The following KIF4B variants were observed in gnomAD, a reference collection of about 807,000 sequenced individuals.
KIF4B encodes chromosome-associated kinesin KIF4B.
In KIF4B, 60 loss-of-function variants were observed where a neutral mutation model predicts 69.0. The ratio of observed to expected loss-of-function variants is 0.87; its 90% confidence interval spans 0.71 to 1.08. The LOEUF is 1.08. Ranked by LOEUF, KIF4B falls within the 50% of genes least tolerant of loss-of-function variation. KIF4B has a pLI of 0.00. For synonymous variants in KIF4B, 489 were observed against 533.0 expected, an observed-to-expected ratio of 0.92 and a Z score of 1.14; for missense variants, 1,357 against 1,451.9, an observed-to-expected ratio of 0.93 and a Z score of 1.06.
chr5:155,014,553 T>A lies in KIF4B; in HGVS notation c.694T>A (p.Phe232Ile), dbSNP rs965016042. The change falls in exon 1 of 1, where the codon TTT becomes ATT. Residue 232 changes from phenylalanine (F) to isoleucine (I), a missense_variant. Phe to Ile is a conservative substitution (Grantham distance 21). Coordinates refer to ENST00000435029, the MANE Select transcript of KIF4B (RefSeq NM_001099293.3). ...AAAGAAAAGTGACAAGAATTGCAGC[T>A]TTCGCTCCAAGCTGCATCTTGTAGA... ...QRKKSDKNCS[F>I]RSKLHLVDLA... 1.9e-6 allele frequency: 3 copies of A among 1,613,990 alleles called. No homozygotes were observed. The African/African-American group carries it at 4.0e-5, about 22-fold the overall frequency.
At position 155,014,048 on chromosome 5, in the gene KIF4B, A is replaced by G. The variant is rs370360313; in HGVS notation, c.189A>G (p.Glu63=). Reference sequence around the variant, plus strand: ...TTGACCCCTGTACTGAGCAGGAAGAAGTCTTCAATAAAGCAGTAGCGCCGC... The same window carrying G: ...TTGACCCCTGTACTGAGCAGGAAGAGGTCTTCAATAAAGCAGTAGCGCCGC... ...FVFDPCTEQE[E]VFNKAVAPLI... is the part of the protein sequence containing the mutation. The change falls in exon 1 of 1, where the codon GAA becomes GAG. Residue 63 remains glutamate (E), a synonymous_variant. Coordinates refer to ENST00000435029, the MANE Select transcript of KIF4B (RefSeq NM_001099293.3). 6.2e-7 allele frequency: 1 copy of G among 1,614,102 alleles called. No homozygotes were observed. Among genetic ancestry groups the G allele is most frequent in the African/African-American group, 1.3e-5 (1 of 74,924 alleles).
chr5:155,015,474 C>G lies in KIF4B; in HGVS notation c.1615C>G (p.Leu539Val), dbSNP rs1765310040. The G allele has an allele frequency of 6.2e-7, 1 of 1,613,978 alleles. No individual in the cohort carries two copies. Among genetic ancestry groups the G allele is most frequent in the Admixed American group, 1.7e-5 (1 of 59,992 alleles). Residue 539 changes from leucine (L) to valine (V), a missense_variant, in exon 1 of 1, where the codon CTA (leucine) becomes GTA (valine). Leu to Val is a conservative substitution (Grantham distance 32, BLOSUM62 1). Coordinates refer to ENST00000435029, the MANE Select transcript of KIF4B (RefSeq NM_001099293.3). ...TAACGCCCTTGCACTGAAAGAGGCC[C>G]TAGTTAGGAAGATGACTCAGAACGA... ...LNNALALKEALVRKMTQNDNQ... is the reference protein window; with the variant it reads ...LNNALALKEAVVRKMTQNDNQ...
rs1296340197 is a variant in KIF4B, at chr5:155,016,751, G to A, written c.2892G>A (p.Gln964=). 2 of 1,614,064 alleles carry A rather than the reference G, an allele frequency of 1.2e-6. No homozygotes were observed. The highest frequency in any genetic ancestry group is 4.5e-5 in the East Asian group (2 of 44,882). ...EKEQQLVSTL[Q]CQDEELEKMR... ...AACAACAGCTGGTGAGCACACTGCA[G>A]TGTCAGGATGAAGAACTTGAGAAGA... Residue 964 remains glutamine, a synonymous_variant, in exon 1 of 1, where the codon CAG becomes CAA. Transcript: ENST00000435029.
rs190973449 is a variant in KIF4B at position 155,014,613 on chromosome 5, G to A, written c.754G>A (p.Ala252Thr). 2.7e-5 allele frequency: 44 copies of A among 1,614,144 alleles called. No homozygotes were observed. In the African/African-American group the frequency reaches 5.2e-4, roughly 19 times the overall value. Residue 252 changes from alanine to threonine, a missense_variant, in exon 1 of 1, where the codon GCT (alanine) becomes ACT (threonine). Transcript: ENST00000435029. ...ATCAGAAAGACAGAAGAAAACCAAG[G>A]CTGAAGGGGATCGTCTAAAAGAGGG... ...AGSERQKKTK[A>T]EGDRLKEGIN...
chr5:155,017,621 G>T lies in KIF4B; in HGVS notation c.*57G>T. 6.5e-7 allele frequency: 1 copy of T among 1,535,232 alleles called. No homozygotes were observed. Among genetic ancestry groups the T allele is most frequent in the Non-Finnish European group, 8.7e-7 (1 of 1,147,308 alleles). ...GCTTGGGAGATGCTTTCCAGTTGCA[G>T]CCAGAAGGGGTTTTTTAAATGACTT... On this transcript the variant is annotated 3_prime_UTR_variant, in exon 1 of 1. Transcript: ENST00000435029.
chr5:155,014,872 A>C lies in KIF4B; in HGVS notation c.1013A>C (p.Asn338Thr). The C allele has an allele frequency of 1.9e-6, 3 of 1,614,116 alleles. No individual in the cohort carries two copies. Among genetic ancestry groups the C allele is most frequent in the Non-Finnish European group, 2.5e-6 (3 of 1,180,006 alleles). ...GCTGACAGAGCAAGAAAAATCAAGA[A>C]CAAACCTATTGTTAATATTGATCCC... The part of the protein sequence containing the change: ...RYADRARKIK[N>T]KPIVNIDPHT... Residue 338 changes from asparagine to threonine, a missense_variant, in exon 1 of 1, where the codon AAC (asparagine) becomes ACC (threonine). Physicochemically the swap from Asn to Thr is moderately conservative, Grantham distance 65. Transcript: ENST00000435029.
chr5:155,017,731 C>G lies in KIF4B; in HGVS notation c.*167C>G. 3 of 1,249,720 alleles carry G rather than the reference C, an allele frequency of 2.4e-6. No individual in the cohort carries two copies. Among genetic ancestry groups the G allele is most frequent in the Non-Finnish European group, 3.3e-6 (3 of 919,548 alleles). 77.4% of individuals were successfully genotyped at this position (1,249,720 alleles called of 1,614,324 possible). On this transcript the variant is annotated 3_prime_UTR_variant, in exon 1 of 1. Transcript: ENST00000435029. ...GTAACCTTTGTTGGATGTTGTCCCT[C>G]AGTCTCCATCCCCAGACTACTGCTC...
At position 155,014,841 on chromosome 5, in the gene KIF4B, C is replaced by T. The variant is rs373858020; in HGVS notation, c.982C>T (p.Arg328Cys). The change falls in exon 1 of 1, where the codon CGC (arginine) becomes TGC (cysteine). Residue 328 changes from arginine to cysteine, a missense_variant. Arg to Cys is a radical substitution (Grantham distance 180). Transcript: ENST00000435029. ...TCTAGAGGAAACATTAAGTACCCTT[C>T]GCTATGCTGACAGAGCAAGAAAAAT... ...SNLEETLSTLRYADRARKIKN... is the reference protein window; with the variant it reads ...SNLEETLSTLCYADRARKIKN... The T allele has an allele frequency of 8.3e-5, 134 of 1,614,008 alleles. No individual in the cohort carries two copies. The highest frequency in any genetic ancestry group is 4.7e-4 in the Admixed American group (28 of 59,996).
At position 155,014,105 on chromosome 5, in the gene KIF4B, A is replaced by G. The variant is rs1384031999; in HGVS notation, c.246A>G (p.Ala82=). 2 of 1,614,144 alleles carry G rather than the reference A, an allele frequency of 1.2e-6. No individual in the cohort carries two copies. The highest frequency in any genetic ancestry group is 1.7e-5 in the Admixed American group (1 of 60,014). The change falls in exon 1 of 1, where the codon GCA becomes GCG. Residue 82 remains alanine, a synonymous_variant. Coordinates refer to ENST00000435029, the MANE Select transcript of KIF4B (RefSeq NM_001099293.3). ...AAGGCATATTTAAAGGATATAATGC[A>G]ACGGTCCTGGCCTATGGGCAGACTG... ...LIKGIFKGYN[A]TVLAYGQTGS...
Position 155,016,514 on chromosome 5 carries a change from A to AAACAGCCTGAGACAG in KIF4B, c.2657_2671dup (p.Asn886_Gln890dup). On this transcript the variant is annotated inframe_insertion, in exon 1 of 1. Coordinates refer to ENST00000435029, the MANE Select transcript of KIF4B (RefSeq NM_001099293.3). ...CCAAAATACATGTCACCAAACTTGA[A>AAACAGCCTGAGACAG]AACAGCCTGAGACAGAGCAAGGCCA... The AAACAGCCTGAGACAG allele has an allele frequency of 1.2e-6, 2 of 1,614,242 alleles. No homozygotes were observed. The highest frequency in any genetic ancestry group is 2.2e-5 in the South Asian group (2 of 91,090).
rs184046383 is a variant in KIF4B at position 155,014,399 on chromosome 5, T to C, written c.540T>C (p.Thr180=). ...AGATTGTGGGACTCACTGAGAAGAC[T>C]GTTTTAGTTGCCTTGGATACTGTTT... ...GIKIVGLTEK[T]VLVALDTVSC... is the part of the protein sequence containing the mutation. Residue 180 remains threonine (T), a synonymous_variant, in exon 1 of 1, where the codon ACT becomes ACC. Coordinates refer to ENST00000435029, the MANE Select transcript of KIF4B (RefSeq NM_001099293.3). 27 of 1,614,226 alleles carry C rather than the reference T, an allele frequency of 1.7e-5. No individual in the cohort carries two copies. Among genetic ancestry groups the C allele is most frequent in the Middle Eastern group, 1.6e-4 (1 of 6,062 alleles).
Position 155,016,646 on chromosome 5 carries a change from G to A in KIF4B, c.2787G>A (p.Glu929=), listed in dbSNP as rs763819485. 9.3e-6 allele frequency: 15 copies of A among 1,614,096 alleles called. No homozygotes were observed. The highest frequency in any genetic ancestry group is 1.3e-5 in the Non-Finnish European group (15 of 1,180,036). Reference sequence around the variant, plus strand: ...TCAGAATGGAGCAACAGCACCAAGAGAAGGTGCTATACCTTGTCAGCCAGC... The same window carrying A: ...TCAGAATGGAGCAACAGCACCAAGAAAAGGTGCTATACCTTGTCAGCCAGC... ...ELVRMEQQHQ[E]KVLYLVSQLQ... is the part of the protein sequence containing the mutation. The change falls in exon 1 of 1, where the codon GAG becomes GAA. Residue 929 remains glutamate, a synonymous_variant. Transcript: ENST00000435029.
In KIF4B at chr5:155,014,192, A is replaced by G; in HGVS notation, c.333A>G (p.Thr111=). ...AYTAEQENEP[T]VGIIPRVIQL... Reference sequence around the variant, plus strand: ...CTGCGGAGCAGGAGAATGAACCAACAGTTGGCATTATTCCTAGGGTAATAC... The same window carrying G: ...CTGCGGAGCAGGAGAATGAACCAACGGTTGGCATTATTCCTAGGGTAATAC... Residue 111 remains threonine (T), a synonymous_variant, in exon 1 of 1, where the codon ACA becomes ACG. Coordinates refer to ENST00000435029, the MANE Select transcript of KIF4B (RefSeq NM_001099293.3). 6.2e-7 allele frequency: 1 copy of G among 1,614,270 alleles called. No individual in the cohort carries two copies. The highest frequency in any genetic ancestry group is 8.5e-7 in the Non-Finnish European group (1 of 1,180,054).
rs754441049 is a variant in KIF4B, at chr5:155,014,539, A to G, written c.680A>G (p.Asp227Gly). Reference sequence around the variant, plus strand: ...TCCATAGAGCAAAGAAAGAAAAGTGACAAGAATTGCAGCTTTCGCTCCAAG... The same window carrying G: ...TCCATAGAGCAAAGAAAGAAAAGTGGCAAGAATTGCAGCTTTCGCTCCAAG... ...TISIEQRKKSDKNCSFRSKLH... is the reference protein window; with the variant it reads ...TISIEQRKKSGKNCSFRSKLH... Residue 227 changes from aspartate to glycine, a missense_variant, in exon 1 of 1, where the codon GAC (aspartate) becomes GGC (glycine). By Grantham distance (94) the Asp-to-Gly change is moderately conservative (BLOSUM62 -1). Transcript: ENST00000435029. 3.1e-6 allele frequency: 5 copies of G among 1,613,994 alleles called. No individual in the cohort carries two copies. Among genetic ancestry groups the G allele is most frequent in the Non-Finnish European group, 4.2e-6 (5 of 1,179,972 alleles).
At position 155,016,661 on chromosome 5, in the gene KIF4B, T is replaced by C. The variant is rs998596504; in HGVS notation, c.2802T>C (p.Leu934=). 7 of 1,614,186 alleles carry C rather than the reference T, an allele frequency of 4.3e-6. No homozygotes were observed. Among genetic ancestry groups the C allele is most frequent in the Non-Finnish European group, 5.9e-6 (7 of 1,180,028 alleles). ...AGCACCAAGAGAAGGTGCTATACCT[T>C]GTCAGCCAGCTGCAGGAAAGCCAAA... is the stretch of plus-strand genomic sequence containing the variant. ...EQQHQEKVLY[L]VSQLQESQMA... The change falls in exon 1 of 1, where the codon CTT becomes CTC. Residue 934 remains leucine (L), a synonymous_variant. Coordinates refer to ENST00000435029, the MANE Select transcript of KIF4B (RefSeq NM_001099293.3).
At position 155,014,480 on chromosome 5, in the gene KIF4B, C is replaced by G; in HGVS notation, c.621C>G (p.Ser207=). Residue 207 remains serine, a synonymous_variant, in exon 1 of 1, where the codon TCC becomes TCG. Coordinates refer to ENST00000435029, the MANE Select transcript of KIF4B (RefSeq NM_001099293.3). ...CTGTGGCCTCCACAGCTATGAACTC[C>G]CAGTCGTCCCGATCTCATGCCATCT... ...SRTVASTAMN[S]QSSRSHAIFT... is the part of the protein sequence containing the mutation. The G allele has an allele frequency of 6.2e-7, 1 of 1,614,086 alleles. No homozygotes were observed. Among genetic ancestry groups the G allele is most frequent in the Non-Finnish European group, 8.5e-7 (1 of 1,179,982 alleles).
chr5:155,016,391 A>C lies in KIF4B; in HGVS notation c.2532A>C (p.Ala844=), dbSNP rs374191124. The C allele has an allele frequency of 6.2e-7, 1 of 1,614,250 alleles. No individual in the cohort carries two copies. The highest frequency in any genetic ancestry group is 1.3e-5 in the African/African-American group (1 of 75,066). ...IADLQQKLLD[A]ESEDRPKQCW... The stretch of plus-strand genomic sequence containing the variant: ...ACCTACAGCAGAAGCTGCTGGATGC[A>C]GAAAGTGAAGATAGGCCAAAACAAT... Residue 844 remains alanine (A), a synonymous_variant, in exon 1 of 1, where the codon GCA becomes GCC. Transcript: ENST00000435029.
Position 155,015,216 on chromosome 5 carries a change from A to G in KIF4B, c.1357A>G (p.Thr453Ala). Reference sequence around the variant, plus strand: ...GCTGGATCTTCAAAAGCTAGTGGAGACTTTGGAAGACCAGGAATTGAAAGA... The same window carrying G: ...GCTGGATCTTCAAAAGCTAGTGGAGGCTTTGGAAGACCAGGAATTGAAAGA... Reference protein sequence around the residue: ...CKLDLQKLVETLEDQELKENV... With the variant: ...CKLDLQKLVEALEDQELKENV... The change falls in exon 1 of 1, where the codon ACT becomes GCT. Residue 453 changes from threonine (T) to alanine (A), a missense_variant. Physicochemically the swap from Thr to Ala is moderately conservative, Grantham distance 58. Transcript: ENST00000435029. 1 of 1,614,230 alleles carries G rather than the reference A, an allele frequency of 6.2e-7. No homozygotes were observed. Among genetic ancestry groups the G allele is most frequent in the Non-Finnish European group, 8.5e-7 (1 of 1,180,048 alleles).
In KIF4B at chr5:155,015,162, G is replaced by T. The variant is rs757833636; in HGVS notation, c.1303G>T (p.Glu435Ter). ...GAATGAAAAACTGAACGCCAAGCTA[G>T]AAGAGCTCAGGCAGCATGTGGCCTG... ...QVNEKLNAKLEELRQHVACKL... is the reference protein window; with the variant it reads ...QVNEKLNAKL The change falls in exon 1 of 1, where the codon GAA becomes TAA. Residue 435 changes from glutamate to a stop codon, truncating the protein, a stop_gained. Transcript: ENST00000435029. LOFTEE classifies it high-confidence loss of function. 1 of 1,614,238 alleles carries T rather than the reference G, an allele frequency of 6.2e-7. No homozygotes were observed. Among genetic ancestry groups the T allele is most frequent in the Non-Finnish European group, 8.5e-7 (1 of 1,180,044 alleles).
Sources: gnomAD v4.1 joint callset for allele counts on GRCh38, gnomAD v4.1.1 for gene constraint, MANE v1.5 for transcripts, NCBI Gene and HGNC (gene_info 2026-07-23, HGNC 2026-07-21) for gene names.